The following ERBB4 variants were observed in gnomAD, a reference collection of about 807,000 sequenced individuals.
ERBB4 encodes erb-b2 receptor tyrosine kinase 4.
In ERBB4, 42 loss-of-function variants were observed where a neutral mutation model predicts 158.0. That is an observed-to-expected ratio of 0.27 (90% confidence interval 0.21 to 0.34). The LOEUF (loss-of-function observed/expected upper bound fraction) is 0.34. Among genes scored for constraint, ERBB4 ranks in the 10% least tolerant of loss-of-function variants. The probability of loss-of-function intolerance (pLI) is 1.00; values close to 1 mark genes in which losing one functional copy is unlikely to be tolerated. For missense variants in ERBB4, 1,333 were observed against 1,624.1 expected (o/e 0.82, Z 3.08); for synonymous variants, 583 against 558.7 (o/e 1.04, Z -0.61).
chr2:211,936,079 T>C (rs1367858447), intron 3 of ERBB4, among the ~76,000 whole-genome samples: 2 of 152,266 alleles, frequency 1.3e-5, no homozygotes, highest in African/African-American at 4.8e-5. Context: ...TATTGTGTTC[T>C]TATTTGTATA....
intron 1 of ERBB4, among the ~76,000 whole-genome samples, chr2:212,304,592 A>C (rs2086740418): frequency 6.6e-6 from 1 of 151,528 alleles, no homozygotes; most frequent in South Asian, 2.1e-4. Context: ...TTATTGAAAA[A>C]GCATCAATGA....
Position 211,861,121 on chromosome 2 carries a change from AT to A in ERBB4, c.422-72963del, listed in dbSNP as rs1159827957. ...ATACATTATATATATTTATATATAT[AT>A]TTTATATATATATATATATATATAT... On this transcript the variant is annotated intron_variant, in intron 3 of 27. Coordinates refer to ENST00000342788, the MANE Select transcript of ERBB4 (RefSeq NM_005235.3). Among the ~76,000 whole-genome samples the A allele has an allele frequency of 2.0e-4, 4 of 20,006 alleles. 1 individual carries two copies. Among genetic ancestry groups the A allele is most frequent in the East Asian group, 1.7e-3 (1 of 586 alleles). The allele number at this position is 20,006 out of a possible 152,430, so 13.1% of individuals were successfully genotyped here. A position where few individuals can be genotyped will look rare whatever the true frequency, so the allele number is the denominator to read the frequency against.
At chr2:211,857,465 G>T (rs2077900805) in intron 3 of ERBB4, among the ~76,000 whole-genome samples, 1 of 151,734 alleles carries the variant, frequency 6.6e-6, no homozygotes, top group Non-Finnish European at 1.5e-5. Flanking sequence ...ATTTTAAACG[G>T]CATTGCCTCT....
intron 1 of ERBB4, among the ~76,000 whole-genome samples, chr2:212,217,928 T>C (rs2083154988): frequency 6.6e-6 from 1 of 151,292 alleles, no homozygotes; most frequent in Non-Finnish European, 1.5e-5. Context: ...CACTTAAATC[T>C]TAAGACAGAA....
chr2:211,433,591 T>TA (rs993517069), intron 20 of ERBB4, among the ~76,000 whole-genome samples: 1 of 144,808 alleles, frequency 6.9e-6, no homozygotes, highest in African/African-American at 2.6e-5. Context: ...AAAAATAAAA[T>TA]AAAATAAAAA....
At chr2:211,386,725 A>C in intron 27 of ERBB4, 128 bp downstream of exon 27, 2 of 785,104 alleles carry the variant, frequency 2.5e-6, no homozygotes, top group South Asian at 1.5e-5. Flanking sequence ...AAGTAGCAGT[A>C]GCCTAGGCCT....
chr2:211,673,281 G>A (rs534481087), intron 13 of ERBB4, 24 bp from the exon 14 acceptor site: 1 of 1,543,472 alleles, frequency 6.5e-7, no homozygotes, highest in Admixed American at 1.7e-5. Context: ...AGCCACATGA[G>A]GAGGTGTAAG....
At position 211,461,198 on chromosome 2, in the gene ERBB4, A is replaced by AT. The variant is rs1417123627; in HGVS notation, c.2488-30099dup. ...AGAGATGAAAACTTCATTACTGTAT[A>AT]TTTTTTAAATTATTGTAAGATAAAA... On this transcript the variant is annotated intron_variant, in intron 20 of 27. Coordinates refer to ENST00000342788, the MANE Select transcript of ERBB4 (RefSeq NM_005235.3). Among the ~76,000 whole-genome samples, 3 of 152,246 alleles carry AT rather than the reference A, an allele frequency of 2.0e-5. 1 individual carries two copies. The highest frequency in any genetic ancestry group is 3.9e-4 in the East Asian group (2 of 5,186).
At chr2:212,238,798 C>A (rs1468226195) in intron 1 of ERBB4, among the ~76,000 whole-genome samples, 1 of 151,190 alleles carries the variant, frequency 6.6e-6, no homozygotes, top group Non-Finnish European at 1.5e-5. Context: ...ATGTTGCCAG[C>A]AATTTTTTTT....
intron 19 of ERBB4, among the ~76,000 whole-genome samples, chr2:211,583,172 T>C (rs2068154262): frequency 6.6e-6 from 1 of 152,068 alleles, no homozygotes; most frequent in Non-Finnish European, 1.5e-5. Context: ...CATTAAATAA[T>C]GAAATTCACT....
intron 17 of ERBB4, among the ~76,000 whole-genome samples, chr2:211,626,962 A>AT (rs1343688950): frequency 2.1e-4 from 8 of 37,836 alleles, no homozygotes; most frequent in Admixed American, 1.1e-3. Context: ...AAAATAAAAA[A>AT]AAAAAAGTGT....
chr2:212,233,557 C>T (rs550265331), intron 1 of ERBB4, among the ~76,000 whole-genome samples: 12 of 151,568 alleles, frequency 7.9e-5, no homozygotes, highest in Admixed American at 2.6e-4. Context: ...TAAAATAACA[C>T]CTTAAACATG....
intron 3 of ERBB4, among the ~76,000 whole-genome samples, chr2:211,908,833 G>A (rs2079465996): frequency 6.6e-6 from 1 of 151,622 alleles, no homozygotes. Flanking sequence ...AGAAGCATAT[G>A]AACAGCATAG....
intron 19 of ERBB4, among the ~76,000 whole-genome samples, chr2:211,566,072 G>A (rs1041825417): frequency 5.3e-5 from 8 of 152,176 alleles, no homozygotes; most frequent in African/African-American, 1.9e-4. Flanking sequence ...TGCACTTTGA[G>A]GCGTCACGCC....
At chr2:212,030,563 A>C (rs1460649372) in intron 2 of ERBB4, among the ~76,000 whole-genome samples, 1 of 152,108 alleles carries the variant, frequency 6.6e-6, no homozygotes, top group Admixed American at 6.6e-5. Flanking sequence ...TCCAAGAAAC[A>C]AGGGTAGGGA....
intron 25 of ERBB4, among the ~76,000 whole-genome samples, chr2:211,419,757 T>A (rs1360383418): frequency 6.6e-6 from 1 of 152,084 alleles, no homozygotes; most frequent in African/African-American, 2.4e-5. Context: ...TCAATATATG[T>A]TGAATGTATG....
chr2:211,506,214 A>T (rs2065745748), intron 20 of ERBB4, among the ~76,000 whole-genome samples: 2 of 152,102 alleles, frequency 1.3e-5, no homozygotes, highest in Non-Finnish European at 2.9e-5. Context: ...AGTAAGATTT[A>T]AGTATCCCAA....
At chr2:212,342,675 T>C (rs993328233) in intron 1 of ERBB4, among the ~76,000 whole-genome samples, 1 of 152,188 alleles carries the variant, frequency 6.6e-6, no homozygotes, top group African/African-American at 2.4e-5. Flanking sequence ...CAACAGTAAT[T>C]ACTCATACCT....
intron 20 of ERBB4, among the ~76,000 whole-genome samples, chr2:211,505,411 A>AG (rs1209762803): frequency 6.6e-6 from 1 of 152,082 alleles, no homozygotes; most frequent in Non-Finnish European, 1.5e-5. Flanking sequence ...GCAAACACTA[A>AG]GGGAATTGCT....
Sources: allele counts gnomAD v4.1 joint callset (sites outside exome capture counted in the v4.1 genomes callset), GRCh38; gene constraint gnomAD v4.1.1; transcripts MANE v1.5; gene names NCBI Gene and HGNC (gene_info 2026-07-23, HGNC 2026-07-21).